Variants in RNF144A observed in about 807,000 individuals in gnomAD.
RNF144A encodes the protein ring finger protein 144A, also known as E3 ubiquitin-protein ligase RNF144A.
In RNF144A, 11 loss-of-function variants were observed where a neutral mutation model predicts 38.7. The ratio of observed to expected loss-of-function variants is 0.28; its 90% CI spans 0.18 to 0.47. RNF144A has a LOEUF of 0.47. RNF144A is among the 20% of genes least tolerant of loss of function. The pLI is 0.99. For synonymous variants in RNF144A, 149 were observed against 143.9 expected (o/e 1.04, Z -0.25); for missense variants, 316 against 377.2 (o/e 0.84, Z 1.34).
At position 7,039,831 on chromosome 2, in the gene RNF144A, C is replaced by T; in HGVS notation, c.*71C>T. 3 of 1,572,706 alleles carry T rather than the reference C, an allele frequency of 1.9e-6. No homozygotes were observed. The highest frequency in any genetic ancestry group is 1.8e-5 in the Admixed American group (1 of 56,112). ...CTCTCCCCCAACCCTCCCCACCGTCCCCCCTTCACTAAACATCTTTCTTGC... is the reference window on the plus strand; with the variant it reads ...CTCTCCCCCAACCCTCCCCACCGTCTCCCCTTCACTAAACATCTTTCTTGC... On this transcript the variant is annotated 3_prime_UTR_variant, in exon 9 of 9. Transcript: ENST00000320892.
chr2:7,053,890 A>T (rs751298024), intron 6 of RNF144A, among the ~76,000 whole-genome samples: 3 of 152,220 alleles, frequency 2.0e-5, no homozygotes, highest in Non-Finnish European at 4.4e-5. Context: ...TGCCCTGCCG[A>T]TGCCATACAG....
chr2:6,923,873 A>G (rs958283868), intron 1 of RNF144A, among the ~76,000 whole-genome samples: 25 of 150,894 alleles, frequency 1.7e-4, no homozygotes, highest in Admixed American at 1.5e-3. Context: ...TAACCATCCT[A>G]TTTCCTCTGC....
chr2:6,931,585 A>C (rs146902195), intron 1 of RNF144A, among the ~76,000 whole-genome samples: 124 of 152,356 alleles, frequency 8.1e-4, no homozygotes, highest in Middle Eastern at 6.8e-3. Context: ...TTTTCAGTTA[A>C]AGATAGCCTA....
intron 1 of RNF144A, among the ~76,000 whole-genome samples, chr2:6,929,838 G>A (rs978829151): frequency 3.9e-5 from 6 of 152,164 alleles, no homozygotes; most frequent in Non-Finnish European, 8.8e-5. Context: ...TCCTTGTTAA[G>A]CATGGAATTG....
At chr2:6,928,031 C>T (rs574174620) in intron 1 of RNF144A, among the ~76,000 whole-genome samples, 1 of 152,294 alleles carries the variant, frequency 6.6e-6, no homozygotes, top group African/African-American at 2.4e-5. Flanking sequence ...TGTGCCATTT[C>T]ACTGTCACTA....
chr2:7,040,149 T>C lies in RNF144A; in HGVS notation c.*389T>C. On this transcript the variant is annotated 3_prime_UTR_variant, in exon 9 of 9. Transcript: ENST00000320892. ...AGAGAAGTCTTTTAAGGACTGCCAC[T>C]CTCTTCAGACAGAATCTGATTATTC... 2.0e-6 allele frequency: 2 copies of C among 999,980 alleles called. No individual in the cohort carries two copies. Among genetic ancestry groups the C allele is most frequent in the Non-Finnish European group, 2.4e-6 (2 of 839,752 alleles). 61.9% of individuals were successfully genotyped at this position (999,980 alleles called of 1,614,324 possible). A position where few individuals can be genotyped will look rare whatever the true frequency, so the allele number is the denominator to read the frequency against.
At chr2:7,002,690 A>G (rs13399156) in intron 3 of RNF144A, among the ~76,000 whole-genome samples, 22,680 of 152,176 alleles carry the variant, frequency 0.15, 2,780 homozygotes, top group East Asian at 0.64. Flanking sequence ...AGATTACAGG[A>G]GCTGAAAAAT....
chr2:6,984,431 T>G (rs1668827616), intron 2 of RNF144A, among the ~76,000 whole-genome samples: 1 of 151,922 alleles, frequency 6.6e-6, no homozygotes, highest in African/African-American at 2.4e-5. Flanking sequence ...GCCTCCCGAG[T>G]AGCTGGGATT....
chr2:7,049,616 T>G lies in RNF144A; in HGVS notation c.735-18600T>G, dbSNP rs143513481. ...TCAGAGTGGATCTTTTTCTCATTTC[T>G]GCACAACTCTTAATACATTGTTGGT... On this transcript the variant is annotated intron_variant, in intron 6 of 6. Coordinates refer to the RNF144A transcript ENST00000432850. 4.2e-3 allele frequency among the ~76,000 whole-genome samples: 640 copies of G among 152,372 alleles called. 10 individuals carry two copies. The highest frequency in any genetic ancestry group is 0.014 in the African/African-American group (598 of 41,596).
chr2:6,974,381 A>G (rs1668179210), intron 2 of RNF144A, among the ~76,000 whole-genome samples: 1 of 152,164 alleles, frequency 6.6e-6, no homozygotes, highest in Non-Finnish European at 1.5e-5. Flanking sequence ...GTGGTGTGAT[A>G]TTCAACAAGC....
chr2:6,936,370 C>T (rs758421223), intron 1 of RNF144A, among the ~76,000 whole-genome samples: 18 of 152,054 alleles, frequency 1.2e-4, no homozygotes, highest in South Asian at 2.1e-4. Flanking sequence ...TATATACACA[C>T]GTATACACAT....
chr2:7,060,981 G>A (rs926304132), intron 6 of RNF144A, among the ~76,000 whole-genome samples: 4 of 152,140 alleles, frequency 2.6e-5, no homozygotes, highest in Admixed American at 2.6e-4. Flanking sequence ...GTTTCTAGTA[G>A]GTGGCACCAA....
At chr2:7,046,414 G>A (rs550091339), downstream of RNF144A, among the ~76,000 whole-genome samples, 139 of 152,356 alleles carry the variant, frequency 9.1e-4, no homozygotes, top group African/African-American at 3.1e-3. Context: ...GAGCCACATC[G>A]CAGGAGGGTG....
intron 1 of RNF144A, among the ~76,000 whole-genome samples, chr2:6,919,463 T>C (rs1192946882): frequency 4.6e-5 from 7 of 152,228 alleles, no homozygotes; most frequent in Non-Finnish European, 8.8e-5. Context: ...AGAGGATAAA[T>C]CATGAAATCT....
At chr2:7,070,728 G>A (rs558383522), downstream of RNF144A, among the ~76,000 whole-genome samples, 10 of 152,246 alleles carry the variant, frequency 6.6e-5, no homozygotes, top group South Asian at 1.0e-3. Flanking sequence ...CACGCCATAC[G>A]ATGGAGGAGG....
intron 2 of RNF144A, among the ~76,000 whole-genome samples, chr2:6,979,572 C>T (rs187737941): frequency 3.3e-5 from 5 of 151,108 alleles, no homozygotes; most frequent in Admixed American, 3.3e-4. Context: ...TTTAGTATTT[C>T]GAAAGGTGAA....
At chr2:7,031,282 C>T (rs1215335479) in intron 8 of RNF144A, among the ~76,000 whole-genome samples, 1 of 152,150 alleles carries the variant, frequency 6.6e-6, no homozygotes, top group Non-Finnish European at 1.5e-5. Context: ...TATAGCCTAC[C>T]GTGTGCTGGG....
In RNF144A at chr2:7,043,783, G is replaced by A; in HGVS notation, c.*4023G>A. The stretch of plus-strand genomic sequence containing the variant: ...CTTCCACAGTTCCGGAGCCTTCAGT[G>A]AGGGGTAGCTACATGCCCCATGCCT... On this transcript the variant is annotated 3_prime_UTR_variant, in exon 9 of 9. Transcript: ENST00000320892. The A allele has an allele frequency of 1.0e-6, 1 of 985,872 alleles. No individual in the cohort carries two copies. The highest frequency in any genetic ancestry group is 4.7e-5 in the South Asian group (1 of 21,280). The allele number at this position is 985,872 out of a possible 1,614,324, so 61.1% of individuals were successfully genotyped here.
chr2:7,055,288 C>G (rs747431553), intron 6 of RNF144A, among the ~76,000 whole-genome samples: 4 of 152,204 alleles, frequency 2.6e-5, no homozygotes, highest in Non-Finnish European at 4.4e-5. Context: ...AACTGTTTCT[C>G]TGAGCTGCAG....
Sources: allele counts gnomAD v4.1 joint callset (sites outside exome capture counted in the v4.1 genomes callset), GRCh38; gene constraint gnomAD v4.1.1; transcripts MANE v1.5; gene names NCBI Gene and HGNC (gene_info 2026-07-23, HGNC 2026-07-21).